HOGA1: variants seen among roughly 807,000 people sequenced by gnomAD.
HOGA1 encodes 4-hydroxy-2-oxoglutarate aldolase, mitochondrial.
Under a neutral mutation model 34.3 loss-of-function variants are expected in HOGA1, and 30 were observed. The observed-to-expected ratio is 0.87, with a 90% CI of 0.65 to 1.19. HOGA1 has a LOEUF of 1.19. Among genes scored for constraint, HOGA1 ranks in the 50% most tolerant of loss-of-function variants. The pLI is 0.00. For synonymous variants in HOGA1, 161 were observed against 174.0 expected (o/e 0.93, Z 0.59); for missense variants, 417 against 436.5 (o/e 0.96, Z 0.40).
intron 1 of HOGA1, among the ~76,000 whole-genome samples, chr10:97,597,894 G>A (rs1564758577): frequency 6.6e-6 from 1 of 152,286 alleles, no homozygotes; most frequent in African/African-American, 2.4e-5. Context: ...AGGCTGCCGT[G>A]AGCCGTGATT....
intron 6 of HOGA1, among the ~76,000 whole-genome samples, chr10:97,604,691 G>T (rs2041143934): frequency 1.3e-5 from 2 of 151,954 alleles, no homozygotes; most frequent in Admixed American, 6.6e-5. Flanking sequence ...GCTATTAAAA[G>T]CTGCCATGGG....
At chr10:97,609,943 C>T (rs905991043) in intron 6 of HOGA1, among the ~76,000 whole-genome samples, 2 of 152,186 alleles carry the variant, frequency 1.3e-5, no homozygotes, top group African/African-American at 2.4e-5. Context: ...AGTTATTAGT[C>T]AATCTTTCAT....
Position 97,601,313 on chromosome 10 carries a change from T to C in HOGA1, c.701-544T>C, listed in dbSNP as rs73332773. Among the ~76,000 whole-genome samples the C allele has an allele frequency of 8.8e-3, 1,346 of 152,302 alleles. 28 individuals carry two copies. The highest frequency in any genetic ancestry group is 0.031 in the African/African-American group (1,275 of 41,554). ...GCCAAACCCATTTTCATTGCCCCGA[T>C]GGGCACAAAGAGGACTAGAGAGGGT... On this transcript the variant is annotated intron_variant, in intron 5 of 6. Transcript: ENST00000370646.
At chr10:97,606,005 C>A (rs897554685) in intron 6 of HOGA1, among the ~76,000 whole-genome samples, 2 of 151,730 alleles carry the variant, frequency 1.3e-5, no homozygotes, top group Admixed American at 1.3e-4. Flanking sequence ...TTAAAGAGTT[C>A]TGGGCATGGT....
At chr10:97,600,038 C>A (rs778937599) in intron 4 of HOGA1, 29 bp from the exon 5 acceptor site, 117 of 1,602,644 alleles carry the variant, frequency 7.3e-5, no homozygotes, top group Non-Finnish European at 9.8e-5. Context: ...GCTCTGGGCA[C>A]AGCTCTCACA....
rs1332800102 is a variant in HOGA1, at chr10:97,603,805, C to A, written c.834+1815C>A. Among the ~76,000 whole-genome samples, 2 of 152,140 alleles carry A rather than the reference C, an allele frequency of 1.3e-5. No homozygotes were observed. The highest frequency in any genetic ancestry group is 2.9e-5 in the Non-Finnish European group (2 of 68,028). ...TCGAACTCCTGACCTCATGATCCAC[C>A]CGCCTCGACCTCCCAAAGTGCTGGG... is the stretch of plus-strand genomic sequence containing the variant. On this transcript the variant is annotated intron_variant, in intron 6 of 6. Coordinates refer to ENST00000370646, the MANE Select transcript of HOGA1 (RefSeq NM_138413.4). This position sits in a 1 kb window ranked among gnomAD's most constrained non-coding sequence, Gnocchi z 4.5.
chr10:97,605,207 A>C (rs1423143993), intron 6 of HOGA1, among the ~76,000 whole-genome samples: 1 of 151,956 alleles, frequency 6.6e-6, no homozygotes, highest in Non-Finnish European at 1.5e-5. Flanking sequence ...CCAGGAGTTC[A>C]AGACCAGCCT....
intron 1 of HOGA1, among the ~76,000 whole-genome samples, chr10:97,588,260 C>T (rs1344051645): frequency 2.0e-5 from 3 of 146,736 alleles, no homozygotes; most frequent in Admixed American, 6.9e-5. Flanking sequence ...TGCAGTGGCA[C>T]GATCTCGGCT....
At position 97,602,318 on chromosome 10, in the gene HOGA1, G is replaced by A. The variant is rs548856315; in HGVS notation, c.834+328G>A. On this transcript the variant is annotated intron_variant, in intron 6 of 6. Transcript: ENST00000370646. The stretch of plus-strand genomic sequence containing the variant: ...GAGTAACCCTAGGACCACACTTAGA[G>A]ATGCCTGGAGAGAAAGAGTGTAAAC... 5.6e-6 allele frequency: 7 copies of A among 1,258,508 alleles called. No homozygotes were observed. The African/African-American group carries it at 9.2e-5, about 17-fold the overall frequency. The allele number at this position is 1,258,508 out of a possible 1,614,324, so 78.0% of individuals were successfully genotyped here.
Position 97,599,635 on chromosome 10 carries a change from G to C in HOGA1, c.469-45G>C, listed in dbSNP as rs916981830. On this transcript the variant is annotated intron_variant, in intron 3 of 6. Transcript: ENST00000370646. ...GGCAAGTCTCTGGCTCTTGGGACCT[G>C]GGGCGGCTGCCCTCTCCTGCTTTTC... 1.1e-5 allele frequency: 17 copies of C among 1,611,698 alleles called. No homozygotes were observed. In the African/African-American group the frequency reaches 1.7e-4, roughly 16 times the overall value.
At chr10:97,590,254 T>A (rs754349047) in intron 1 of HOGA1, 2 of 1,613,834 alleles carry the variant, frequency 1.2e-6, no homozygotes, top group Middle Eastern at 1.6e-4. Flanking sequence ...CCCCATCCAC[T>A]GATGAGGCCA....
chr10:97,595,724 G>C (rs879758231), intron 1 of HOGA1, among the ~76,000 whole-genome samples: 4 of 152,128 alleles, frequency 2.6e-5, no homozygotes, highest in Non-Finnish European at 5.9e-5. Context: ...CTCTGAGAAA[G>C]GCACTAATAT....
chr10:97,602,022 C>A (rs538239140), intron 6 of HOGA1, 32 bp downstream of exon 6: 12 of 1,592,150 alleles, frequency 7.5e-6, no homozygotes, highest in Non-Finnish European at 1.0e-5. Context: ...CGCGGCCTGG[C>A]GGGGGGTGGG....
At position 97,611,780 on chromosome 10, in the gene HOGA1, CTTTG is replaced by C; in HGVS notation, c.*122_*125del. On this transcript the variant is annotated 3_prime_UTR_variant, in exon 7 of 7. Transcript: ENST00000370646. ...GGCAGCGGGGAGCCGATAGAGGCTC[CTTTG>C]CCTGCTGTGGTCCTCCAGGCAGCCT... 8.1e-7 allele frequency: 1 copy of C among 1,240,304 alleles called. No individual in the cohort carries two copies. The highest frequency in any genetic ancestry group is 1.1e-6 in the Non-Finnish European group (1 of 884,398). The allele number at this position is 1,240,304 out of a possible 1,614,324, so 76.8% of individuals were successfully genotyped here.
At chr10:97,597,413 G>A (rs2041079937) in intron 1 of HOGA1, among the ~76,000 whole-genome samples, 1 of 151,918 alleles carries the variant, frequency 6.6e-6, no homozygotes, top group South Asian at 2.1e-4. Flanking sequence ...AATGGAGTGG[G>A]ATAGAGAGGA....
At chr10:97,611,444 C>G in intron 6 of HOGA1, 66 bp from the exon 7 acceptor site, 2 of 1,573,518 alleles carry the variant, frequency 1.3e-6, no homozygotes, top group Non-Finnish European at 1.7e-6. Flanking sequence ...AGTGACAGAT[C>G]TCCGAGTTCC....
At chr10:97,589,960 C>A (rs752532956) in intron 1 of HOGA1, 2 of 1,614,110 alleles carry the variant, frequency 1.2e-6, no homozygotes, top group Non-Finnish European at 1.7e-6. Flanking sequence ...CAGACAAGGA[C>A]AAGTCACCAG....
intron 1 of HOGA1, among the ~76,000 whole-genome samples, chr10:97,585,412 C>G (rs981799173): frequency 6.6e-6 from 1 of 152,216 alleles, no homozygotes; most frequent in Non-Finnish European, 1.5e-5. Flanking sequence ...GTGACCCCAT[C>G]TCTCTTTACA....
At chr10:97,591,673 G>A (rs1317064653) in intron 1 of HOGA1, among the ~76,000 whole-genome samples, 3 of 152,102 alleles carry the variant, frequency 2.0e-5, no homozygotes, top group African/African-American at 7.2e-5. Context: ...TGCCTAGGCT[G>A]GAGTGCAGAG....
Sources: allele counts gnomAD v4.1 joint callset (sites outside exome capture counted in the v4.1 genomes callset), GRCh38; gene constraint gnomAD v4.1.1; non-coding constraint Gnocchi (gnomAD v3.1); transcripts MANE v1.5; gene names NCBI Gene and HGNC (gene_info 2026-07-23, HGNC 2026-07-21).